The following NOXRED1 variants were observed in gnomAD, a reference collection of about 807,000 sequenced individuals.
NOXRED1 encodes NADP dependent oxidoreductase domain containing 1, also known as NADP-dependent oxidoreductase domain-containing protein 1.
In NOXRED1, 20 loss-of-function variants were observed where a neutral mutation model predicts 30.4. The ratio of observed to expected loss-of-function variants is 0.66; its 90% CI spans 0.46 to 0.96. NOXRED1 has a LOEUF of 0.96. NOXRED1 is among the 40% of genes least tolerant of loss of function. NOXRED1 has a pLI of 0.00. For synonymous variants in NOXRED1, 155 were observed against 168.0 expected, an observed-to-expected ratio of 0.92 and a Z score of 0.60; for missense variants, 374 against 428.0, an observed-to-expected ratio of 0.87 and a Z score of 1.11.
At position 77,406,618 on chromosome 14, in the gene NOXRED1, CACACACACACACACACAG is replaced by C. The variant is rs767433563; in HGVS notation, c.682+88_682+105del. The C allele has an allele frequency of 8.1e-3, 7,756 of 960,046 alleles. 146 individuals carry two copies. The highest frequency in any genetic ancestry group is 0.038 in the Middle Eastern group (153 of 4,036). 59.5% of individuals were successfully genotyped at this position (960,046 alleles called of 1,614,324 possible). On this transcript the variant is annotated intron_variant, in intron 4 of 5. Coordinates refer to ENST00000380835, the MANE Select transcript of NOXRED1 (RefSeq NM_001113475.3). Reference sequence around the variant, plus strand: ...ACACACACACACACACACACACACACACACACACACACACACAGAGAGAGAGAGATTGATTTAATAAGA... The same window carrying C: ...ACACACACACACACACACACACACACAGAGAGAGAGATTGATTTAATAAGA...
intron 1 of NOXRED1, among the ~76,000 whole-genome samples, chr14:77,420,271 T>A (rs1387359838): frequency 6.6e-6 from 1 of 152,174 alleles, no homozygotes; most frequent in Non-Finnish European, 1.5e-5. Flanking sequence ...AGTGAGTTGT[T>A]TCAATTCAAT....
At chr14:77,396,172 G>A (rs1321975210) in intron 5 of NOXRED1, among the ~76,000 whole-genome samples, 1 of 151,582 alleles carries the variant, frequency 6.6e-6, no homozygotes, top group African/African-American at 2.4e-5. Flanking sequence ...AGAAGGCATG[G>A]ACATTGGAAA....
chr14:77,423,252 C>T lies in NOXRED1; in HGVS notation c.-363G>A, dbSNP rs1016173569. On this transcript the variant is annotated 5_prime_UTR_variant, in exon 1 of 6. It introduces an in-frame stop codon into an upstream open reading frame of the 5' UTR. Coordinates refer to ENST00000380835, the MANE Select transcript of NOXRED1 (RefSeq NM_001113475.3). ...TTGAGTTTTACAGGTATTCTTGGGC[C>T]AGGACGTTTTCCCTTCCATTCCCTC... 1.3e-5 allele frequency among the ~76,000 whole-genome samples: 2 copies of T among 152,136 alleles called. No homozygotes were observed. Among genetic ancestry groups the T allele is most frequent in the Admixed American group, 6.5e-5 (1 of 15,280 alleles).
At position 77,394,707 on chromosome 14, in the gene NOXRED1, T is replaced by G. The variant is rs372334448; in HGVS notation, c.1004A>C (p.His335Pro). The G allele has an allele frequency of 6.2e-7, 1 of 1,613,368 alleles. No individual in the cohort carries two copies. The highest frequency in any genetic ancestry group is 8.5e-7 in the Non-Finnish European group (1 of 1,179,338). Reference protein sequence around the residue: ...SSPVLQDHLTHLYCASFGISL... With the variant: ...SSPVLQDHLTPLYCASFGISL... The stretch of plus-strand genomic sequence containing the variant: ...GATGCCAAATGAAGCACAGTATAGA[T>G]GGGTAAGGTGGTCTTGGAGAACAGG... Residue 335 changes from histidine (H) to proline (P), a missense_variant, in exon 6 of 6, where the codon CAT becomes CCT. Transcript: ENST00000380835.
intron 5 of NOXRED1, among the ~76,000 whole-genome samples, chr14:77,399,252 A>T (rs1402296769): frequency 6.6e-6 from 1 of 152,008 alleles, no homozygotes; most frequent in Non-Finnish European, 1.5e-5. Context: ...GAGCCCAGGA[A>T]TTCAAGCTTG....
Position 77,394,126 on chromosome 14 carries a change from G to T in NOXRED1, c.*505C>A, listed in dbSNP as rs1037051542. The T allele has an allele frequency of 1.7e-4, 26 of 152,520 alleles. No individual in the cohort carries two copies. Among genetic ancestry groups the T allele is most frequent in the African/African-American group, 5.8e-4 (24 of 41,564 alleles). 9.4% of individuals were successfully genotyped at this position (152,520 alleles called of 1,614,324 possible). A position where few individuals can be genotyped will look rare whatever the true frequency, so the allele number is the denominator to read the frequency against. Reference sequence around the variant, plus strand: ...CTGTAAATAAGATAGTACCAGAACAGTCATATATAGTCAAAATAAGCATGA... The same window carrying T: ...CTGTAAATAAGATAGTACCAGAACATTCATATATAGTCAAAATAAGCATGA... On this transcript the variant is annotated 3_prime_UTR_variant, in exon 6 of 6. Transcript: ENST00000380835.
chr14:77,414,122 G>A lies in NOXRED1; in HGVS notation c.161C>T (p.Ser54Leu), dbSNP rs780155810. 2 of 1,586,978 alleles carry A rather than the reference G, an allele frequency of 1.3e-6. 1 individual carries two copies. Among genetic ancestry groups the A allele is most frequent in the East Asian group, 4.5e-5 (2 of 44,178 alleles). ...TCTGGAACTTTGATTCTTATTTAATGATGCTCTGGAGAATGAACACACAGA... is the reference window on the plus strand; with the variant it reads ...TCTGGAACTTTGATTCTTATTTAATAATGCTCTGGAGAATGAACACACAGA... ...FCKLLYNLRA[S>L]LNKNQSSRHL... The change falls in exon 2 of 6, where the codon TCA becomes TTA. Residue 54 changes from serine (S) to leucine (L), a missense_variant. Transcript: ENST00000380835.
intron 5 of NOXRED1, 89 bp from the exon 6 acceptor site, chr14:77,394,894 T>TGAGGCAGCGG: frequency 1.1e-6 from 1 of 873,442 alleles, no homozygotes; most frequent in Non-Finnish European, 1.8e-6. Flanking sequence ...AAAGTTTTCC[T>TGAGGCAGCGG]CATTACCTTT....
chr14:77,403,342 A>G (rs570889374), intron 5 of NOXRED1, among the ~76,000 whole-genome samples: 2 of 152,330 alleles, frequency 1.3e-5, no homozygotes, highest in African/African-American at 4.8e-5. Context: ...TAGTATAACG[A>G]AACTCCATAT....
chr14:77,407,301 A>G (rs184342166), intron 3 of NOXRED1, among the ~76,000 whole-genome samples, 164 bp downstream of exon 3: 2 of 152,302 alleles, frequency 1.3e-5, no homozygotes, highest in Non-Finnish European at 2.9e-5. Context: ...AAGTTACGAG[A>G]AAGATTGGCT....
intron 1 of NOXRED1, among the ~76,000 whole-genome samples, chr14:77,419,216 G>T (rs1894918035): frequency 1.3e-5 from 2 of 151,726 alleles, no homozygotes; most frequent in South Asian, 2.1e-4. Context: ...GGGATTACAG[G>T]TACCTGCCAC....
chr14:77,404,287 G>A (rs1594871134), intron 5 of NOXRED1, among the ~76,000 whole-genome samples: 1 of 152,176 alleles, frequency 6.6e-6, no homozygotes, highest in African/African-American at 2.4e-5. Flanking sequence ...CAAACCAAAC[G>A]TGAATCACAG....
intron 5 of NOXRED1, among the ~76,000 whole-genome samples, chr14:77,395,145 G>A (rs1166894456): frequency 6.0e-5 from 8 of 134,292 alleles, no homozygotes; most frequent in South Asian, 2.3e-4. Context: ...TTGCTCTGTC[G>A]CCCAGGCTGG....
chr14:77,412,255 C>G (rs939714555), intron 2 of NOXRED1, among the ~76,000 whole-genome samples: 3 of 151,954 alleles, frequency 2.0e-5, no homozygotes, highest in African/African-American at 7.3e-5. Flanking sequence ...TATTATACAA[C>G]CTTAAAATCT....
chr14:77,397,057 G>C (rs1894207665), intron 5 of NOXRED1, among the ~76,000 whole-genome samples: 1 of 152,154 alleles, frequency 6.6e-6, no homozygotes, highest in Non-Finnish European at 1.5e-5. Context: ...ATTCATTCCA[G>C]GTAAGTGGAC....
intron 1 of NOXRED1, among the ~76,000 whole-genome samples, chr14:77,415,645 GACAT>G (rs1300645745): frequency 1.3e-5 from 2 of 150,510 alleles, no homozygotes; most frequent in African/African-American, 4.9e-5. Flanking sequence ...CAGACAGACA[GACAT>G]ATAGATATAG....
intron 5 of NOXRED1, among the ~76,000 whole-genome samples, chr14:77,402,962 G>C (rs1034527974): frequency 2.0e-5 from 3 of 151,502 alleles, no homozygotes; most frequent in Non-Finnish European, 4.4e-5. Context: ...TTGAACCCAG[G>C]AGGCAGAGAT....
rs539592721 is a variant in NOXRED1, at chr14:77,396,197, C to T, written c.906-1392G>A. On this transcript the variant is annotated intron_variant, in intron 5 of 5. Transcript: ENST00000380835. ...GACATTGGAAAGGAAGAAATGAAAC[C>T]GTCTCTATTTATACATGACATTATT... Among the ~76,000 whole-genome samples the T allele has an allele frequency of 7.3e-5, 11 of 151,410 alleles. No homozygotes were observed. In the East Asian group the frequency reaches 1.7e-3, roughly 24 times the overall value.
intron 5 of NOXRED1, among the ~76,000 whole-genome samples, chr14:77,402,348 G>A (rs190896259): frequency 1.6e-4 from 25 of 152,322 alleles, no homozygotes; most frequent in African/African-American, 3.6e-4. Context: ...AATAGGAGCC[G>A]GGCGCCATGG....
Sources: allele counts gnomAD v4.1 joint callset (sites outside exome capture counted in the v4.1 genomes callset), GRCh38; gene constraint gnomAD v4.1.1; transcripts MANE v1.5; gene names NCBI Gene and HGNC (gene_info 2026-07-23, HGNC 2026-07-21).